Variants in CYP2C18 observed in about 807,000 individuals in gnomAD.
CYP2C18 encodes cytochrome P450 family 2 subfamily C member 18, also known as cytochrome P450 2C18.
A neutral mutation model predicts 41.3 loss-of-function variants in CYP2C18; 38 were observed. That is an observed-to-expected ratio of 0.92 (90% CI 0.71 to 1.21). The LOEUF is 1.21. CYP2C18 is among the 50% of genes most tolerant of loss of function. The pLI is 0.00. For missense variants in CYP2C18, 635 were observed against 591.4 expected (o/e 1.07, Z -0.77); for synonymous variants, 236 against 210.0 (o/e 1.12, Z -1.07).
chr10:94,701,311 C>T (rs968000748), intron 4 of CYP2C18, among the ~76,000 whole-genome samples: 1 of 152,146 alleles, frequency 6.6e-6, no homozygotes. Flanking sequence ...GAGTTCATGT[C>T]CTTTGTAAGG....
At position 94,688,042 on chromosome 10, in the gene CYP2C18, A is replaced by G. The variant is rs114439291; in HGVS notation, c.332-83A>G. 9.9e-4 allele frequency: 1,591 copies of G among 1,599,762 alleles called. 14 individuals are homozygous for G. The African/African-American group carries it at 0.017, about 17-fold the overall frequency. ...TGAAGAGCTCCTGGGACAGAACTTG[A>G]CCTGTCCACGTGGCTGCCGAGTGTC... On this transcript the variant is annotated intron_variant, in intron 2 of 8. Coordinates refer to ENST00000285979, the MANE Select transcript of CYP2C18 (RefSeq NM_000772.3).
chr10:94,712,030 T>TTTTTTTTTTTTTTTTTTTTTTTTTTTTG (rs1847446565), intron 5 of CYP2C18, among the ~76,000 whole-genome samples: 1 of 98,432 alleles, frequency 1.0e-5, no homozygotes, highest in African/African-American at 3.5e-5. Flanking sequence ...TTTTTTTTTG[T>TTTTTTTTTTTTTTTTTTTTTTTTTTTTG]AGAGATAGGG....
intron 6 of CYP2C18, among the ~76,000 whole-genome samples, chr10:94,723,683 TG>T (rs1847685692): frequency 6.6e-6 from 1 of 152,176 alleles, no homozygotes; most frequent in African/African-American, 2.4e-5. Context: ...TGTGTGTGCA[TG>T]TTTCTGTTTG....
chr10:94,690,809 C>G lies in CYP2C18; in HGVS notation c.481+2535C>G, dbSNP rs1168771225. Reference sequence around the variant, plus strand: ...CTGGCAAACTGAATCCAGCAACACACAAAAAGCTTATCCACCATAATCAAG... The same window carrying G: ...CTGGCAAACTGAATCCAGCAACACAGAAAAAGCTTATCCACCATAATCAAG... On this transcript the variant is annotated intron_variant, in intron 3 of 8. Transcript: ENST00000285979. 2.0e-5 allele frequency among the ~76,000 whole-genome samples: 3 copies of G among 152,208 alleles called. No homozygotes were observed. In the South Asian group the frequency reaches 6.2e-4, roughly 32 times the overall value.
chr10:94,720,637 A>G, intron 6 of CYP2C18, 100 bp downstream of exon 6: 1 of 1,243,766 alleles, frequency 8.0e-7, no homozygotes, highest in Non-Finnish European at 1.1e-6. Flanking sequence ...AAGCTTCATT[A>G]TTGAAATTTC....
chr10:94,728,040 C>CT (rs1389803943), intron 7 of CYP2C18, among the ~76,000 whole-genome samples: 2 of 151,710 alleles, frequency 1.3e-5, no homozygotes, highest in African/African-American at 2.4e-5. Context: ...TCTCTTATAG[C>CT]TTTTTTTTGA....
chr10:94,702,134 C>T (rs371732566), intron 4 of CYP2C18, among the ~76,000 whole-genome samples: 1 of 152,298 alleles, frequency 6.6e-6, no homozygotes, highest in South Asian at 2.1e-4. Flanking sequence ...CCTTTGTGGG[C>T]AACCTAACCT....
At chr10:94,688,354 T>G (rs1846934632) in intron 3 of CYP2C18, 80 bp downstream of exon 3, 1 of 1,467,100 alleles carries the variant, frequency 6.8e-7, no homozygotes, top group East Asian at 2.5e-5. Flanking sequence ...ATAACTTTTA[T>G]GCATATTTAT....
In CYP2C18 at chr10:94,683,970, A is replaced by G. The variant is rs748777228; in HGVS notation, c.151A>G (p.Ser51Gly). The change falls in exon 1 of 9, where the codon AGC becomes GGC. Residue 51 changes from serine to glycine, a missense_variant. Coordinates refer to ENST00000285979, the MANE Select transcript of CYP2C18 (RefSeq NM_000772.3). ...CCTGCAGTTAGATGTTAAGGACATGAGCAAATCCTTAACCAATGTAAGTAT... is the reference window on the plus strand; with the variant it reads ...CCTGCAGTTAGATGTTAAGGACATGGGCAAATCCTTAACCAATGTAAGTAT... ...NILQLDVKDMSKSLTNFSKVY... is the reference protein window; with the variant it reads ...NILQLDVKDMGKSLTNFSKVY... The G allele has an allele frequency of 3.1e-6, 5 of 1,606,670 alleles. No individual in the cohort carries two copies. In the Admixed American group the frequency reaches 8.5e-5, roughly 27 times the overall value.
rs1444479070 is a variant in CYP2C18, at chr10:94,693,197, G to A, written c.482-1720G>A. Among the ~76,000 whole-genome samples, 7 of 152,258 alleles carry A rather than the reference G, an allele frequency of 4.6e-5. No individual in the cohort carries two copies. The East Asian group carries it at 1.4e-3, about 29-fold the overall frequency. ...TGTAATCCCCCATATTGGAGGTGGG[G>A]CCTTGTGAGAGGTGATTGGATCATG... On this transcript the variant is annotated intron_variant, in intron 3 of 8. Transcript: ENST00000285979.
At chr10:94,732,978 G>A (rs565902246) in intron 7 of CYP2C18, among the ~76,000 whole-genome samples, 1 of 152,216 alleles carries the variant, frequency 6.6e-6, no homozygotes, top group Admixed American at 6.5e-5. Context: ...GAAAACTGAA[G>A]TGATGAAATA....
At chr10:94,712,171 T>A (rs1847449690) in intron 5 of CYP2C18, among the ~76,000 whole-genome samples, 1 of 151,416 alleles carries the variant, frequency 6.6e-6, no homozygotes, top group African/African-American at 2.4e-5. Flanking sequence ...TTTTTTTTTT[T>A]TTATTTAAGG....
intron 3 of CYP2C18, among the ~76,000 whole-genome samples, chr10:94,689,746 C>T (rs1443074320): frequency 2.0e-5 from 3 of 152,002 alleles, no homozygotes. Context: ...TGTACAGATG[C>T]TTGTTTTTGC....
At chr10:94,708,335 A>G (rs1564643252) in intron 5 of CYP2C18, among the ~76,000 whole-genome samples, 1 of 152,168 alleles carries the variant, frequency 6.6e-6, no homozygotes, top group Non-Finnish European at 1.5e-5. Flanking sequence ...TTAATTTAAG[A>G]ATCTCATTAA....
intron 1 of CYP2C18, among the ~76,000 whole-genome samples, 189 bp downstream of exon 1, chr10:94,684,176 A>G (rs565996150): frequency 3.9e-5 from 6 of 152,270 alleles, no homozygotes; most frequent in Middle Eastern, 3.4e-3. Context: ...ATCATCTCAA[A>G]TATTTGTCAT....
Position 94,724,467 on chromosome 10 carries a change from C to T in CYP2C18, c.1083C>T (p.Leu361=). 1 of 1,613,594 alleles carries T rather than the reference C, an allele frequency of 6.2e-7. No homozygotes were observed. Among genetic ancestry groups the T allele is most frequent in the East Asian group, 2.2e-5 (1 of 44,826 alleles). Residue 361 remains leucine, a synonymous_variant, in exon 7 of 9, where the codon CTC becomes CTT. Transcript: ENST00000285979. ...VVHEIQRYID[L]LPTNLPHAVT... is the part of the protein sequence containing the mutation. ...ACGAGATCCAGAGATACATTGACCT[C>T]CTCCCCACCAACCTGCCCCATGCAG... is the stretch of plus-strand genomic sequence containing the variant.
chr10:94,696,291 G>A (rs1847115643), intron 4 of CYP2C18, among the ~76,000 whole-genome samples: 1 of 152,134 alleles, frequency 6.6e-6, no homozygotes, highest in Non-Finnish European at 1.5e-5. Context: ...AACTTCCAGA[G>A]GAACGATCAG....
chr10:94,686,632 A>T (rs1284172122), intron 1 of CYP2C18, among the ~76,000 whole-genome samples: 2 of 152,218 alleles, frequency 1.3e-5, no homozygotes, highest in East Asian at 3.8e-4. Context: ...TTATAGGAAC[A>T]TTCCTCAGCA....
chr10:94,714,616 C>A (rs1847506065), intron 5 of CYP2C18, among the ~76,000 whole-genome samples: 1 of 152,124 alleles, frequency 6.6e-6, no homozygotes, highest in Non-Finnish European at 1.5e-5. Flanking sequence ...TAGCATGATG[C>A]CTCCAGCTTT....
Sources: gnomAD v4.1 joint callset for allele counts (sites outside exome capture counted in the v4.1 genomes callset) on GRCh38, gnomAD v4.1.1 for gene constraint, MANE v1.5 for transcripts, NCBI Gene and HGNC (gene_info 2026-07-23, HGNC 2026-07-21) for gene names.